PAX3: variants seen among roughly 807,000 people sequenced by gnomAD.
The protein encoded by PAX3 is paired box 3.
Under a neutral mutation model 51.6 loss-of-function variants are expected in PAX3, and 14 were observed. That is an observed-to-expected ratio of 0.27 (90% CI 0.18 to 0.42). PAX3 has a LOEUF of 0.42. Ranked by LOEUF, PAX3 falls within the 10% of genes least tolerant of loss-of-function variation. The pLI is 1.00. For synonymous variants in PAX3, 280 were observed against 253.4 expected, an observed-to-expected ratio of 1.11 and a Z score of -1.00; for missense variants, 540 against 642.8, an observed-to-expected ratio of 0.84 and a Z score of 1.73.
chr2:222,210,931 A>G (rs1691700368), intron 7 of PAX3, among the ~76,000 whole-genome samples: 1 of 152,132 alleles, frequency 6.6e-6, no homozygotes, highest in African/African-American at 2.4e-5. Context: ...CAATGGTGCA[A>G]TCACGGCTCA....
At chr2:222,270,986 C>T (rs999041634) in intron 4 of PAX3, among the ~76,000 whole-genome samples, 1 of 152,184 alleles carries the variant, frequency 6.6e-6, no homozygotes, top group Non-Finnish European at 1.5e-5. Flanking sequence ...AGCTACCAAA[C>T]CTTGTTTCAA....
At chr2:222,205,888 T>C (rs1691485769) in intron 7 of PAX3, among the ~76,000 whole-genome samples, 1 of 152,202 alleles carries the variant, frequency 6.6e-6, no homozygotes, top group African/African-American at 2.4e-5. Flanking sequence ...AATTTCTTTC[T>C]GTGCACAAAG....
chr2:222,268,937 ATATAT>A (rs1694153555), intron 4 of PAX3, among the ~76,000 whole-genome samples: 1 of 152,086 alleles, frequency 6.6e-6, no homozygotes, highest in Non-Finnish European at 1.5e-5. Context: ...TCCTTTATGT[ATATAT>A]GTTGCATAAT....
intron 7 of PAX3, among the ~76,000 whole-genome samples, chr2:222,217,724 C>T (rs759126627): frequency 5.9e-5 from 9 of 152,176 alleles, no homozygotes; most frequent in Non-Finnish European, 1.3e-4. Context: ...CTAGTCTCTT[C>T]TTTAGTTAAC....
chr2:222,266,667 T>C (rs1694065717), intron 4 of PAX3, among the ~76,000 whole-genome samples: 1 of 152,244 alleles, frequency 6.6e-6, no homozygotes, highest in Non-Finnish European at 1.5e-5. Context: ...AGTACATTAT[T>C]ATTTCTGCTT....
At chr2:222,283,832 T>C (rs892029950) in intron 4 of PAX3, among the ~76,000 whole-genome samples, 2 of 152,200 alleles carry the variant, frequency 1.3e-5, no homozygotes, top group Non-Finnish European at 2.9e-5. Flanking sequence ...GTCAGACCAG[T>C]GCATGCGGGG....
At chr2:222,285,737 T>C (rs919864104) in intron 4 of PAX3, among the ~76,000 whole-genome samples, 3 of 152,250 alleles carry the variant, frequency 2.0e-5, no homozygotes, top group African/African-American at 7.2e-5. Flanking sequence ...AATTCTACAG[T>C]TGTTTCCATA....
rs774455796 is a variant in PAX3 at position 222,294,186 on chromosome 2, G to A, written c.567C>T (p.Asp189=). 1.9e-4 allele frequency: 300 copies of A among 1,614,122 alleles called. No individual in the cohort carries two copies. The highest frequency in any genetic ancestry group is 3.3e-4 in the Middle Eastern group (2 of 6,084). ...ESEKKAKHSI[D]GILSERASAP... is the part of the protein sequence containing the mutation. The stretch of plus-strand genomic sequence containing the variant: ...GCTTACCTCGCTCGCTCAGGATGCC[G>A]TCGATGCTGTGTTTGGCCTTCTTCT... Residue 189 remains aspartate, a synonymous_variant, in exon 4 of 9, where the codon GAC becomes GAT. Transcript: ENST00000392070.
chr2:222,260,591 G>GTTTTTTTTTTTTTTTT (rs374339768), intron 4 of PAX3, among the ~76,000 whole-genome samples: 5 of 63,070 alleles, frequency 7.9e-5, no homozygotes, highest in Non-Finnish European at 1.1e-4. Flanking sequence ...TTTTTTTTTT[G>GTTTTTTTTTTTTTTTT]TTTTTTTTTT....
At chr2:222,287,795 G>T (rs908124787) in intron 4 of PAX3, among the ~76,000 whole-genome samples, 1 of 152,178 alleles carries the variant, frequency 6.6e-6, no homozygotes, top group Middle Eastern at 3.2e-3. Flanking sequence ...GAAAATATTA[G>T]ATAATACCCA....
chr2:222,265,859 A>G (rs1050545847), intron 4 of PAX3, among the ~76,000 whole-genome samples: 6 of 152,212 alleles, frequency 3.9e-5, no homozygotes, highest in African/African-American at 1.4e-4. Context: ...TCTTGTTCAT[A>G]CCTGTGGGTG....
intron 5 of PAX3, among the ~76,000 whole-genome samples, chr2:222,225,960 T>C (rs145798217): frequency 1.3e-5 from 2 of 152,318 alleles, no homozygotes; most frequent in East Asian, 3.9e-4. Context: ...TTGACTTGAA[T>C]GGAGGCTTAG....
At chr2:222,261,286 A>C (rs891647701) in intron 4 of PAX3, among the ~76,000 whole-genome samples, 6 of 152,190 alleles carry the variant, frequency 3.9e-5, no homozygotes, top group African/African-American at 1.4e-4. Context: ...GCCAAATTTG[A>C]GGCTCACTTG....
chr2:222,293,317 C>G (rs1422074728), intron 4 of PAX3, among the ~76,000 whole-genome samples: 1 of 152,202 alleles, frequency 6.6e-6, no homozygotes, highest in African/African-American at 2.4e-5. Context: ...ATGATCCTTT[C>G]CTGGTTCAGC....
chr2:222,201,455 A>C lies in PAX3; in HGVS notation c.1421-13T>G. The stretch of plus-strand genomic sequence containing the variant: ...TAATGAAAGGCACCTGTAAGGAAAC[A>C]CACGCAGCTTTTTAGGTCATGCTGG... On this transcript the variant is annotated splice_polypyrimidine_tract_variant and intron_variant, in intron 8 of 8. Coordinates refer to ENST00000392070, the MANE Select transcript of PAX3 (RefSeq NM_181458.4). 1 of 1,614,108 alleles carries C rather than the reference A, an allele frequency of 6.2e-7. No individual in the cohort carries two copies. Among genetic ancestry groups the C allele is most frequent in the Admixed American group, 1.7e-5 (1 of 60,016 alleles).
chr2:222,280,823 C>T (rs1408490429), intron 4 of PAX3, among the ~76,000 whole-genome samples: 1 of 152,218 alleles, frequency 6.6e-6, no homozygotes, highest in African/African-American at 2.4e-5. Context: ...ATAATGGGGA[C>T]TTGCCCAGTA....
chr2:222,216,335 C>T (rs1691958009), intron 7 of PAX3, among the ~76,000 whole-genome samples: 1 of 152,152 alleles, frequency 6.6e-6, no homozygotes, highest in African/African-American at 2.4e-5. Context: ...TGAAAATATT[C>T]CCCAGATATT....
At chr2:222,216,021 G>A (rs895339934) in intron 7 of PAX3, among the ~76,000 whole-genome samples, 4 of 152,072 alleles carry the variant, frequency 2.6e-5, no homozygotes, top group East Asian at 3.9e-4. Flanking sequence ...TGAGAATCTC[G>A]CCTTAAATTC....
intron 4 of PAX3, 96 bp downstream of exon 4, chr2:222,294,071 C>T (rs192792747): frequency 1.3e-6 from 2 of 1,588,454 alleles, no homozygotes; most frequent in Non-Finnish European, 1.7e-6. Context: ...GACCTTGATC[C>T]GAGCTGGGCT....
Sources: gnomAD v4.1 joint callset for allele counts (sites outside exome capture counted in the v4.1 genomes callset) on GRCh38, gnomAD v4.1.1 for gene constraint, MANE v1.5 for transcripts, NCBI Gene and HGNC (gene_info 2026-07-23, HGNC 2026-07-21) for gene names.